Variants in SMYD3 observed in about 807,000 individuals in gnomAD.
SMYD3 encodes the protein histone-lysine N-methyltransferase SMYD3.
Under a neutral mutation model 57.7 loss-of-function variants are expected in SMYD3, and 36 were observed. The observed-to-expected ratio is 0.62, with a 90% CI of 0.48 to 0.82. The LOEUF is 0.82. Ranked by LOEUF, SMYD3 falls within the 40% of genes least tolerant of loss-of-function variation. SMYD3 has a pLI of 0.00. For missense variants in SMYD3, 515 were observed against 538.8 expected (o/e 0.96, Z 0.44); for synonymous variants, 211 against 195.0 (o/e 1.08, Z -0.68).
chr1:246,492,881 C>G (rs1362196475), intron 1 of SMYD3, among the ~76,000 whole-genome samples: 1 of 152,138 alleles, frequency 6.6e-6, no homozygotes, highest in Non-Finnish European at 1.5e-5. Context: ...CTAACTGGCC[C>G]TGTAAATTCA....
At chr1:245,998,705 C>T (rs2058978811) in intron 5 of SMYD3, among the ~76,000 whole-genome samples, 1 of 152,124 alleles carries the variant, frequency 6.6e-6, no homozygotes, top group African/African-American at 2.4e-5. Context: ...GATACTTGCC[C>T]ACCAATGTTC....
intron 8 of SMYD3, among the ~76,000 whole-genome samples, chr1:245,901,825 G>A (rs1337365529): frequency 6.6e-6 from 1 of 152,172 alleles, no homozygotes; most frequent in African/African-American, 2.4e-5. Context: ...CCCCATTGTA[G>A]GGAAAAGGTA....
At chr1:245,766,276 G>A (rs536130571) in intron 10 of SMYD3, among the ~76,000 whole-genome samples, 124 of 151,896 alleles carry the variant, frequency 8.2e-4, no homozygotes, top group Admixed American at 2.5e-3. Flanking sequence ...GGTGGCAGGC[G>A]CCTGTAGTCC....
chr1:246,289,583 TA>T (rs113948859), intron 5 of SMYD3, among the ~76,000 whole-genome samples: 15,133 of 152,242 alleles, frequency 0.099, 1,443 homozygotes, highest in African/African-American at 0.24. Context: ...TTTGATAGTA[TA>T]TTTTCTTTGC....
chr1:246,356,371 A>G (rs1265359738), intron 1 of SMYD3, among the ~76,000 whole-genome samples: 1 of 152,214 alleles, frequency 6.6e-6, no homozygotes, highest in African/African-American at 2.4e-5. Context: ...TTCTGGTAAT[A>G]TGACAAAACA....
chr1:246,397,379 G>A (rs1262669539), intron 1 of SMYD3, among the ~76,000 whole-genome samples: 1 of 152,136 alleles, frequency 6.6e-6, no homozygotes, highest in African/African-American at 2.4e-5. Context: ...TGCCAAAAAG[G>A]TTGGGACTGC....
chr1:245,917,393 G>T (rs758667004), intron 7 of SMYD3, among the ~76,000 whole-genome samples: 4 of 152,170 alleles, frequency 2.6e-5, no homozygotes, highest in Non-Finnish European at 5.9e-5. Context: ...AGATTATGAA[G>T]GAAAAGAAAA....
chr1:246,329,959 G>C (rs1411806516), intron 4 of SMYD3, among the ~76,000 whole-genome samples: 2 of 152,172 alleles, frequency 1.3e-5, no homozygotes, highest in Admixed American at 6.5e-5. Flanking sequence ...TTAGCACTCA[G>C]ATATGGGAAG....
At chr1:245,760,722 TTGGGGAGCAAAACACTGC>T (rs1176875777) in intron 11 of SMYD3, among the ~76,000 whole-genome samples, 1 of 152,154 alleles carries the variant, frequency 6.6e-6, no homozygotes, top group Non-Finnish European at 1.5e-5. Flanking sequence ...CCCACTCACC[TTGGGGAGCAAAACACTGC>T]TGGGGAGCAG....
chr1:246,007,013 G>A (rs1397372990), intron 5 of SMYD3, among the ~76,000 whole-genome samples: 1 of 152,156 alleles, frequency 6.6e-6, no homozygotes, highest in East Asian at 1.9e-4. Context: ...CTGTTCTGAG[G>A]TGCTGCTGAG....
intron 5 of SMYD3, among the ~76,000 whole-genome samples, chr1:246,193,055 T>C (rs1361495281): frequency 6.6e-6 from 1 of 152,222 alleles, no homozygotes; most frequent in East Asian, 1.9e-4. Context: ...GAAGTCATAT[T>C]GTTTTTCATT....
chr1:246,402,859 C>CA (rs2066795366), intron 1 of SMYD3, among the ~76,000 whole-genome samples: 1 of 152,208 alleles, frequency 6.6e-6, no homozygotes, highest in Admixed American at 6.5e-5. Flanking sequence ...ACTTGGGCTA[C>CA]ATGATCTCTG....
At chr1:245,796,037 G>A (rs2047506984) in intron 10 of SMYD3, among the ~76,000 whole-genome samples, 1 of 152,120 alleles carries the variant, frequency 6.6e-6, no homozygotes, top group African/African-American at 2.4e-5. Flanking sequence ...ACAGCTTACA[G>A]GCCACACTTC....
chr1:245,749,696 C>T (rs778743014), intron 11 of SMYD3, 32 bp from the exon 12 acceptor site: 1 of 1,572,870 alleles, frequency 6.4e-7, no homozygotes, highest in Non-Finnish European at 8.7e-7. Flanking sequence ...GAGATTAGAC[C>T]CCAAAATAGG....
intron 10 of SMYD3, among the ~76,000 whole-genome samples, chr1:245,849,306 A>G (rs751007654): frequency 6.6e-6 from 1 of 152,204 alleles, no homozygotes; most frequent in African/African-American, 2.4e-5. Context: ...AGGGGATTGG[A>G]TTATCAGAAA....
intron 5 of SMYD3, among the ~76,000 whole-genome samples, chr1:246,109,533 TTGCCCCC>T (rs772574310): frequency 2.0e-5 from 3 of 152,208 alleles, no homozygotes; most frequent in Non-Finnish European, 4.4e-5. Flanking sequence ...TTTTTAAAAA[TTGCCCCC>T]TGCAGCTGTA....
chr1:245,924,017 T>G (rs1436263216), intron 7 of SMYD3, among the ~76,000 whole-genome samples: 1 of 152,226 alleles, frequency 6.6e-6, no homozygotes, highest in African/African-American at 2.4e-5. Context: ...GGGATACTAA[T>G]GCATTCAACT....
intron 5 of SMYD3, among the ~76,000 whole-genome samples, chr1:246,146,467 C>T (rs1420251637): frequency 6.6e-6 from 1 of 152,194 alleles, no homozygotes; most frequent in Non-Finnish European, 1.5e-5. Flanking sequence ...AACAAACCTC[C>T]TTCTCCGCCA....
At chr1:246,067,160 T>G (rs576963185) in intron 5 of SMYD3, among the ~76,000 whole-genome samples, 1 of 152,334 alleles carries the variant, frequency 6.6e-6, no homozygotes, top group South Asian at 2.1e-4. Context: ...GTCACAAAGA[T>G]CGTGATTCTC....
Sources: gnomAD v4.1 joint callset for allele counts (sites outside exome capture counted in the v4.1 genomes callset) on GRCh38, gnomAD v4.1.1 for gene constraint, MANE v1.5 for transcripts, NCBI Gene and HGNC (gene_info 2026-07-23, HGNC 2026-07-21) for gene names.